MAP9: variants seen among roughly 807,000 people sequenced by gnomAD.
MAP9 encodes microtubule associated protein 9.
A neutral mutation model predicts 75.2 loss-of-function variants in MAP9; 80 were observed. The ratio of observed to expected loss-of-function variants is 1.06; its 90% CI spans 0.89 to 1.28. The LOEUF (loss-of-function observed/expected upper bound fraction) is 1.28. Ranked by LOEUF, MAP9 falls within the 50% of genes most tolerant of loss-of-function variation. The pLI, the probability that MAP9 is intolerant of heterozygous loss-of-function variation, is 0.00. For synonymous variants in MAP9, 235 were observed against 237.3 expected (o/e 0.99, Z 0.09); for missense variants, 753 against 719.9 (o/e 1.05, Z -0.53).
Position 155,347,850 on chromosome 4 carries a change from A to T in MAP9, c.1877T>A (p.Phe626Tyr), listed in dbSNP as rs772313632. 1.2e-6 allele frequency: 2 copies of T among 1,603,498 alleles called. No homozygotes were observed. Among genetic ancestry groups the T allele is most frequent in the Admixed American group, 1.7e-5 (1 of 59,680 alleles). ...IERKQKKRHS[F>Y]LESEALPPWS... ...CGGAGGAAGTGCCTCACTTTCAAGA[A>T]AGGAATGACGTTTCTTCTGTTTTCG... Residue 626 changes from phenylalanine to tyrosine, a missense_variant, in exon 14 of 14, where the codon TTT (phenylalanine) becomes TAT (tyrosine). Phe to Tyr is a conservative substitution (Grantham distance 22, BLOSUM62 3). Coordinates refer to ENST00000311277, the MANE Select transcript of MAP9 (RefSeq NM_001039580.2).
chr4:155,370,644 G>T (rs1416984465), intron 4 of MAP9, among the ~76,000 whole-genome samples: 1 of 150,350 alleles, frequency 6.7e-6, no homozygotes, highest in African/African-American at 2.5e-5. Context: ...AAGGTGTTGA[G>T]TCAATTTTTT....
intron 8 of MAP9, chr4:155,357,132 C>A: frequency 3.9e-6 from 1 of 256,104 alleles, no homozygotes; most frequent in Non-Finnish European, 7.4e-6. Flanking sequence ...CAGTCTGGAG[C>A]ACAAAGAATC....
rs963234285 is a variant in MAP9 at position 155,353,065 on chromosome 4, A to G, written c.1543-8T>C. ...TTTCCATTTTTCAAAAGCCTGAAAA[A>G]GTTCAGAATAATTTTCTTACTGTGA... On this transcript the variant is annotated splice_region_variant and splice_polypyrimidine_tract_variant and intron_variant, in intron 11 of 13. Coordinates refer to ENST00000311277, the MANE Select transcript of MAP9 (RefSeq NM_001039580.2). The G allele has an allele frequency of 1.3e-6, 2 of 1,539,418 alleles. No homozygotes were observed.
intron 7 of MAP9, among the ~76,000 whole-genome samples, chr4:155,358,725 C>T (rs1731919815): frequency 6.6e-6 from 1 of 151,590 alleles, no homozygotes; most frequent in Admixed American, 6.6e-5. Context: ...ACAACAACAA[C>T]AAAAAACAAA....
chr4:155,353,333 G>A lies in MAP9; in HGVS notation c.1388C>T (p.Ala463Val). ...NLRIQNEQKK[A>V]AKREEALASF... ...TGCTAATGCTTCTTCTCTTTTAGCAGCTTTTTTCTACAGTGGAAAAAATAA... is the reference window on the plus strand; with the variant it reads ...TGCTAATGCTTCTTCTCTTTTAGCAACTTTTTTCTACAGTGGAAAAAATAA... Residue 463 changes from alanine to valine, a missense_variant, in exon 11 of 14, where the codon GCT becomes GTT. Coordinates refer to ENST00000311277, the MANE Select transcript of MAP9 (RefSeq NM_001039580.2). 1 of 1,557,390 alleles carries A rather than the reference G, an allele frequency of 6.4e-7. No homozygotes were observed. Among genetic ancestry groups the A allele is most frequent in the Non-Finnish European group, 8.6e-7 (1 of 1,161,664 alleles).
intron 3 of MAP9, among the ~76,000 whole-genome samples, chr4:155,373,723 C>T (rs1319130442): frequency 6.6e-6 from 1 of 152,146 alleles, no homozygotes; most frequent in East Asian, 1.9e-4. Context: ...AACAACCAAA[C>T]ACTGTTTGCT....
At position 155,368,755 on chromosome 4, in the gene MAP9, C is replaced by G; in HGVS notation, c.539G>C (p.Ser180Thr). The G allele has an allele frequency of 6.2e-7, 1 of 1,614,024 alleles. No homozygotes were observed. Residue 180 changes from serine to threonine, a missense_variant, in exon 5 of 14, where the codon AGT (serine) becomes ACT (threonine). Ser to Thr is a moderately conservative substitution (Grantham distance 58). Transcript: ENST00000311277. Reference protein sequence around the residue: ...DHFKPSPRPRSMLKKKSHMEE... With the variant: ...DHFKPSPRPRTMLKKKSHMEE... ...CATGTGACTTTTCTTTTTCAACATA[C>G]TCCTTGGCCGAGGTGATGGTTTAAA... is the stretch of plus-strand genomic sequence containing the variant.
intron 2 of MAP9, 35 bp from the exon 3 acceptor site, chr4:155,375,056 ACAT>A: frequency 1.4e-6 from 2 of 1,418,138 alleles, no homozygotes; most frequent in Non-Finnish European, 2.0e-6. Context: ...TTCCATCCAA[ACAT>A]GGAGGTATCA....
chr4:155,359,716 T>C (rs1731978773), intron 7 of MAP9, among the ~76,000 whole-genome samples: 1 of 152,102 alleles, frequency 6.6e-6, no homozygotes, highest in Non-Finnish European at 1.5e-5. Flanking sequence ...GATAACCATC[T>C]ATTTTAAAGA....
Position 155,373,196 on chromosome 4 carries a change from T to C in MAP9, c.421A>G (p.Lys141Glu). The C allele has an allele frequency of 6.2e-7, 1 of 1,600,080 alleles. No individual in the cohort carries two copies. Among genetic ancestry groups the C allele is most frequent in the Non-Finnish European group, 8.5e-7 (1 of 1,174,930 alleles). ...ESQNKDEEFE[K>E]DKIKMKPKPR... ...TTAGGTTTCATTTTTATTTTGTCTTTTTCAAATTCCTCATCCTTATTTTGA... is the reference window on the plus strand; with the variant it reads ...TTAGGTTTCATTTTTATTTTGTCTTCTTCAAATTCCTCATCCTTATTTTGA... Residue 141 changes from lysine to glutamate, a missense_variant, in exon 4 of 14, where the codon AAA (lysine) becomes GAA (glutamate). Transcript: ENST00000311277.
chr4:155,357,974 T>C (rs1420031534), intron 7 of MAP9, among the ~76,000 whole-genome samples: 1 of 152,060 alleles, frequency 6.6e-6, no homozygotes, highest in Non-Finnish European at 1.5e-5. Flanking sequence ...GCATAGTGAA[T>C]GGCAGGGAAA....
In MAP9 at chr4:155,357,322, TTTTATGAAATGGAAATAAAAA is replaced by T. The variant is rs1302119147; in HGVS notation, c.1121+106_1121+126del. 2.1e-4 allele frequency: 144 copies of T among 685,152 alleles called. No individual in the cohort carries two copies. In the African/African-American group the frequency reaches 2.2e-3, roughly 11 times the overall value. The allele number at this position is 685,152 out of a possible 1,614,324, so 42.4% of individuals were successfully genotyped here. A position where few individuals can be genotyped will look rare whatever the true frequency, so the allele number is the denominator to read the frequency against. On this transcript the variant is annotated intron_variant, in intron 8 of 13. Transcript: ENST00000311277. ...TTTATCATGAAGTTAACTACTTTCA[TTTTATGAAATGGAAATAAAAA>T]GAAAATACAGTAACACCAAATGAAA...
At chr4:155,370,435 T>C (rs535886727) in intron 4 of MAP9, among the ~76,000 whole-genome samples, 4 of 152,346 alleles carry the variant, frequency 2.6e-5, no homozygotes, top group Non-Finnish European at 4.4e-5. Flanking sequence ...ACAGCCATTT[T>C]GTCATCTGTG....
At chr4:155,353,730 TAA>T (rs1348715479) in intron 10 of MAP9, among the ~76,000 whole-genome samples, 1 of 152,138 alleles carries the variant, frequency 6.6e-6, no homozygotes, top group Non-Finnish European at 1.5e-5. Flanking sequence ...TATGGGCTTA[TAA>T]AGTAAGTTAG....
At chr4:155,366,679 G>A (rs1276504938) in intron 5 of MAP9, among the ~76,000 whole-genome samples, 3 of 152,150 alleles carry the variant, frequency 2.0e-5, no homozygotes, top group South Asian at 2.1e-4. Flanking sequence ...AGGGACTATC[G>A]TGAACAACTC....
chr4:155,375,830 G>A lies in MAP9; in HGVS notation c.21C>T (p.Ser7=), dbSNP rs764855189. Residue 7 remains serine (S), a synonymous_variant, in exon 2 of 14, where the codon AGC becomes AGT. Transcript: ENST00000311277. MSDEVF[S]TTLAYTKSPK... ...GACTCTTTGTATATGCCAAAGTGGTGCTAAAAACTTCATCAGACATAGTGT... is the reference window on the plus strand; with the variant it reads ...GACTCTTTGTATATGCCAAAGTGGTACTAAAAACTTCATCAGACATAGTGT... 2.5e-6 allele frequency: 4 copies of A among 1,609,520 alleles called. No homozygotes were observed. In the East Asian group the frequency reaches 6.7e-5, roughly 27 times the overall value.
chr4:155,376,404 A>C (rs1342915295), intron 1 of MAP9: 3 of 152,328 alleles, frequency 2.0e-5, no homozygotes, highest in Non-Finnish European at 4.4e-5. Flanking sequence ...ATGTATTGCA[A>C]GCCAATTTTT....
rs768820585 is a variant in MAP9, at chr4:155,347,073, T to C, written c.*710A>G. ...GTATATCACTACTGTGACATTGATG[T>C]CTTTTGGTATCACTGAAATAATAAA... On this transcript the variant is annotated 3_prime_UTR_variant, in exon 14 of 14. Transcript: ENST00000311277. 1.3e-5 allele frequency: 2 copies of C among 152,168 alleles called. No homozygotes were observed. The highest frequency in any genetic ancestry group is 2.4e-5 in the African/African-American group (1 of 41,450). 9.4% of individuals were successfully genotyped at this position (152,168 alleles called of 1,614,324 possible).
rs1462626735 is a variant in MAP9 at position 155,346,894 on chromosome 4, C to G, written c.*889G>C. The G allele has an allele frequency of 6.6e-6, 1 of 152,478 alleles. No homozygotes were observed. Among genetic ancestry groups the G allele is most frequent in the African/African-American group, 2.4e-5 (1 of 41,418 alleles). The allele number at this position is 152,478 out of a possible 1,614,324, so 9.4% of individuals were successfully genotyped here. A position where few individuals can be genotyped will look rare whatever the true frequency, so the allele number is the denominator to read the frequency against. Reference sequence around the variant, plus strand: ...TTGTGGACATTGTCAACATATTTACCTTCCCATACAGCTGTCTGCTGAATA... The same window carrying G: ...TTGTGGACATTGTCAACATATTTACGTTCCCATACAGCTGTCTGCTGAATA... On this transcript the variant is annotated 3_prime_UTR_variant, in exon 14 of 14. Transcript: ENST00000311277.
Sources: allele counts gnomAD v4.1 joint callset (sites outside exome capture counted in the v4.1 genomes callset), GRCh38; gene constraint gnomAD v4.1.1; transcripts MANE v1.5; gene names NCBI Gene and HGNC (gene_info 2026-07-23, HGNC 2026-07-21).